The following ATR variants were observed in gnomAD, a reference collection of about 807,000 sequenced individuals.
The protein encoded by ATR is ATR checkpoint kinase, also known as serine/threonine-protein kinase ATR.
A neutral mutation model predicts 305.3 loss-of-function variants in ATR; 142 were observed. The ratio of observed to expected loss-of-function variants is 0.47; its 90% CI spans 0.41 to 0.53. The LOEUF (loss-of-function observed/expected upper bound fraction) is 0.53. Among genes scored for constraint, ATR ranks in the 20% least tolerant of loss-of-function variants. The pLI, the probability that ATR is intolerant of heterozygous loss-of-function variation, is 0.00. For missense variants in ATR, 2,135 were observed against 3,133.1 expected (o/e 0.68, Z 7.60); for synonymous variants, 1,050 against 1,068.1 (o/e 0.98, Z 0.33).
intron 21 of ATR, among the ~76,000 whole-genome samples, chr3:142,527,598 AT>A (rs2033448486): frequency 1.3e-5 from 2 of 152,058 alleles, no homozygotes; most frequent in Admixed American, 1.3e-4. Context: ...TTTTGCTAGC[AT>A]TTTTACTCAT....
chr3:142,547,540 T>C (rs1478525756), intron 16 of ATR, among the ~76,000 whole-genome samples, 185 bp downstream of exon 16: 1 of 152,248 alleles, frequency 6.6e-6, no homozygotes, highest in Non-Finnish European at 1.5e-5. Flanking sequence ...GATCTCGTGT[T>C]CATGATCTTG....
intron 1 of ATR, among the ~76,000 whole-genome samples, chr3:142,577,208 A>G (rs909863115): frequency 3.9e-5 from 6 of 152,254 alleles, no homozygotes; most frequent in Non-Finnish European, 5.9e-5. Context: ...TGGAATAGCT[A>G]CAAATAAATG....
Position 142,459,346 on chromosome 3 carries a change from C to T in ATR, c.7230G>A (p.Met2410Ile), listed in dbSNP as rs1233586936. Reference sequence around the variant, plus strand: ...CAGATAAAGCTGCTGACTTTGGTAGCATACACTGGCGAAGTTCTTTTCCTG... The same window carrying T: ...CAGATAAAGCTGCTGACTTTGGTAGTATACACTGGCGAAGTTCTTTTCCTG... ...YMTGKELRQCMLPKSAALSEK... is the reference protein window; with the variant it reads ...YMTGKELRQCILPKSAALSEK... Residue 2410 changes from methionine (M) to isoleucine (I), a missense_variant, in exon 43 of 47, where the codon ATG (methionine) becomes ATA (isoleucine). Physicochemically the swap from Met to Ile is conservative, Grantham distance 10. This residue lies in a region of ATR where 462 missense variants were observed against 887.6 expected (regional missense o/e 0.52). Transcript: ENST00000350721. The T allele has an allele frequency of 1.2e-6, 2 of 1,613,728 alleles. No homozygotes were observed. The highest frequency in any genetic ancestry group is 1.7e-6 in the Non-Finnish European group (2 of 1,179,852).
intron 46 of ATR, chr3:142,450,305 T>C: frequency 3.1e-6 from 3 of 963,986 alleles, no homozygotes; most frequent in Non-Finnish European, 4.9e-6. Context: ...GCTTATTTCT[T>C]TGGTGAAGCA....
Position 142,553,246 on chromosome 3 carries a change from T to G in ATR, c.2786A>C (p.Tyr929Ser). 1 of 1,614,178 alleles carries G rather than the reference T, an allele frequency of 6.2e-7. No individual in the cohort carries two copies. The highest frequency in any genetic ancestry group is 1.3e-5 in the African/African-American group (1 of 75,046). The change falls in exon 13 of 47, where the codon TAT becomes TCT. Residue 929 changes from tyrosine (Y) to serine (S), a missense_variant. By Grantham distance (144) the Tyr-to-Ser change is moderately radical (BLOSUM62 -2). Around this residue, in one of 9 missense-constraint regions of ATR, gnomAD observed 530 missense variants for 766.8 expected, o/e 0.69. Transcript: ENST00000350721. ...TCTTACCTGACAGATGGGTTTCTTA[T>G]ACTGGCTGAAAAAACTTTGCAGTTT... Reference protein sequence around the residue: ...SVKLQSFFSQYKKPICQFLVE... With the variant: ...SVKLQSFFSQSKKPICQFLVE...
chr3:142,547,723 A>G lies in ATR; in HGVS notation c.3357+2T>C, dbSNP rs2108450667. On this transcript the variant is annotated splice_donor_variant, in intron 16 of 46. Transcript: ENST00000350721. LOFTEE classifies it high-confidence loss of function. ...AAAAACCTCATAGAACATATTCCTT[A>G]CCATCAGTTCAGGTGATATGATATC... is the stretch of plus-strand genomic sequence containing the variant. 2 of 1,612,584 alleles carry G rather than the reference A, an allele frequency of 1.2e-6. No homozygotes were observed. The highest frequency in any genetic ancestry group is 2.2e-5 in the South Asian group (2 of 91,034).
chr3:142,496,281 TATATATA>T (rs1559937361), intron 34 of ATR, 73 bp downstream of exon 34: 1,153 of 72,522 alleles, frequency 0.016, 184 homozygotes, highest in Non-Finnish European at 0.022. Context: ...TTCCCGACTA[TATATATA>T]TATATATATA....
intron 36 of ATR, 76 bp downstream of exon 36, chr3:142,485,064 G>A: frequency 6.3e-7 from 1 of 1,574,842 alleles, no homozygotes; most frequent in East Asian, 2.2e-5. Flanking sequence ...AATATGCTAA[G>A]ACATGTGATA....
At chr3:142,451,778 C>T in intron 46 of ATR, 1 of 1,200,784 alleles carries the variant, frequency 8.3e-7, no homozygotes, top group South Asian at 1.7e-5. Context: ...TTGTAGAGAC[C>T]AGGGCTGGCT....
intron 45 of ATR, among the ~76,000 whole-genome samples, chr3:142,454,662 T>C (rs13073093): frequency 0.62 from 93,917 of 151,030 alleles, 30,141 homozygotes; most frequent in African/African-American, 0.79. Context: ...AGGATGGTCT[T>C]GATCTCCTGA....
Position 142,535,150 on chromosome 3 carries a change from A to G in ATR, c.3875T>C (p.Ile1292Thr). Residue 1292 changes from isoleucine to threonine, a missense_variant, in exon 21 of 47, where the codon ATT (isoleucine) becomes ACT (threonine). Ile to Thr is a moderately conservative substitution (Grantham distance 89). Transcript: ENST00000350721. ...ACGAACATCGACATTTTCATGTTGA[A>G]TGGCCTTCATAGAGAGCTGAAGAGT... ...QTTLQLSMKA[I>T]QHENVDVRIH... 1 of 1,613,238 alleles carries G rather than the reference A, an allele frequency of 6.2e-7. No individual in the cohort carries two copies. The highest frequency in any genetic ancestry group is 8.5e-7 in the Non-Finnish European group (1 of 1,179,414).
chr3:142,470,314 A>T, intron 36 of ATR, 131 bp from the exon 37 acceptor site: 1 of 804,352 alleles, frequency 1.2e-6, no homozygotes, highest in Non-Finnish European at 2.0e-6. Context: ...TCTTCCTAGA[A>T]GTTATTTTTG....
At chr3:142,568,348 A>C (rs1024691197) in intron 1 of ATR, among the ~76,000 whole-genome samples, 194 bp from the exon 2 acceptor site, 1 of 152,256 alleles carries the variant, frequency 6.6e-6, no homozygotes, top group African/African-American at 2.4e-5. Context: ...ATGCTAAGTA[A>C]TACTAAAGAG....
At position 142,513,322 on chromosome 3, in the gene ATR, C is replaced by T. The variant is rs536927064; in HGVS notation, c.4641+179G>A. Among the ~76,000 whole-genome samples the T allele has an allele frequency of 3.9e-5, 6 of 152,266 alleles. No individual in the cohort carries two copies. The East Asian group carries it at 1.2e-3, about 29-fold the overall frequency. The stretch of plus-strand genomic sequence containing the variant: ...GCAACAAATTGGTAGCTAGAATATA[C>T]ATAGAACGTCTATCAATTAAAGGGA... On this transcript the variant is annotated intron_variant, in intron 26 of 46. Transcript: ENST00000350721.
chr3:142,479,324 T>A (rs1224277596), intron 36 of ATR, among the ~76,000 whole-genome samples: 1 of 152,154 alleles, frequency 6.6e-6, no homozygotes, highest in Non-Finnish European at 1.5e-5. Flanking sequence ...CTGTAAAGGA[T>A]TTTATTTCTC....
In ATR at chr3:142,522,708, A is replaced by G. The variant is rs757179877; in HGVS notation, c.4266+20T>C. On this transcript the variant is annotated intron_variant, in intron 23 of 46. Coordinates refer to ENST00000350721, the MANE Select transcript of ATR (RefSeq NM_001184.4). ...TGAATTAAACAATTTAAAGCCAGTA[A>G]TGACTATATCCACTCTTACCTGAAT... is the stretch of plus-strand genomic sequence containing the variant. The G allele has an allele frequency of 6.4e-7, 1 of 1,561,556 alleles. No individual in the cohort carries two copies. The highest frequency in any genetic ancestry group is 1.4e-5 in the African/African-American group (1 of 73,680).
At chr3:142,481,484 T>C (rs2030480654) in intron 36 of ATR, among the ~76,000 whole-genome samples, 1 of 152,226 alleles carries the variant, frequency 6.6e-6, no homozygotes, top group Admixed American at 6.5e-5. Flanking sequence ...TTTACCAGAC[T>C]TTTGTAGCAA....
At chr3:142,572,646 C>T (rs1288660354) in intron 1 of ATR, among the ~76,000 whole-genome samples, 1 of 151,748 alleles carries the variant, frequency 6.6e-6, no homozygotes, top group Non-Finnish European at 1.5e-5. Context: ...TAGAGACACA[C>T]ACCTGTAGTC....
Position 142,553,115 on chromosome 3 carries a change from T to C in ATR, c.2805+112A>G, listed in dbSNP as rs142042725. ...TATACCCCTGAACTTAAAATATAAA[T>C]TGAAGAAAAAAGAAAAGCAAGCAAA... On this transcript the variant is annotated intron_variant, in intron 13 of 46. Coordinates refer to ENST00000350721, the MANE Select transcript of ATR (RefSeq NM_001184.4). 2.3e-4 allele frequency: 306 copies of C among 1,349,566 alleles called. No homozygotes were observed. In the African/African-American group the frequency reaches 2.7e-3, roughly 12 times the overall value. The allele number at this position is 1,349,566 out of a possible 1,614,324, so 83.6% of individuals were successfully genotyped here.
Sources: gnomAD v4.1 joint callset for allele counts (sites outside exome capture counted in the v4.1 genomes callset) on GRCh38, gnomAD v4.1.1 for gene constraint, gnomAD v4.1.1 regional missense constraint, MANE v1.5 for transcripts, NCBI Gene and HGNC (gene_info 2026-07-23, HGNC 2026-07-21) for gene names.